RPS6KC1: variants seen among roughly 807,000 people sequenced by gnomAD.
RPS6KC1 encodes the protein ribosomal protein S6 kinase C1, also known as inactive ribosomal protein S6 kinase delta-1.
A neutral mutation model predicts 103.8 loss-of-function variants in RPS6KC1; 54 were observed. That is an observed-to-expected ratio of 0.52 (90% CI 0.42 to 0.65). The LOEUF (loss-of-function observed/expected upper bound fraction) is 0.65. Among genes scored for constraint, RPS6KC1 ranks in the 30% least tolerant of loss-of-function variants. RPS6KC1 has a pLI of 0.00. For synonymous variants in RPS6KC1, 439 were observed against 438.7 expected (o/e 1.00, Z -0.01); for missense variants, 1,151 against 1,253.8 (o/e 0.92, Z 1.24).
At chr1:213,654,675 T>C in the RPS6KC1 span, among the ~76,000 whole-genome samples, 1 of 152,230 alleles carries the variant, frequency 6.6e-6, no homozygotes, top group Non-Finnish European at 1.5e-5. Context: ...ATTTTTAATA[T>C]CTGAAAAAGT....
intron 10 of RPS6KC1, among the ~76,000 whole-genome samples, chr1:213,234,307 G>T (rs2094175654): frequency 1.3e-5 from 2 of 151,988 alleles, no homozygotes; most frequent in African/African-American, 4.8e-5. Flanking sequence ...CACCACGCCA[G>T]GCCTGAAACT....
the RPS6KC1 span, among the ~76,000 whole-genome samples, chr1:213,783,535 T>G: frequency 6.6e-6 from 1 of 152,138 alleles, no homozygotes; most frequent in Non-Finnish European, 1.5e-5. Flanking sequence ...ATATTATGAT[T>G]CAGCACCTGG....
At chr1:213,474,268 C>G in the RPS6KC1 span, among the ~76,000 whole-genome samples, 1 of 152,222 alleles carries the variant, frequency 6.6e-6, no homozygotes, top group South Asian at 2.1e-4. Flanking sequence ...GATCCCAGTT[C>G]CCAAGCAGAG....
At chr1:213,328,606 C>T in the RPS6KC1 span, among the ~76,000 whole-genome samples, 3 of 146,690 alleles carry the variant, frequency 2.0e-5, no homozygotes, top group Non-Finnish European at 4.5e-5. Context: ...TGGGTAGGAA[C>T]CACTGAGAGG....
chr1:213,538,940 G>A, the RPS6KC1 span, among the ~76,000 whole-genome samples: 2 of 152,194 alleles, frequency 1.3e-5, no homozygotes, highest in Non-Finnish European at 2.9e-5. Flanking sequence ...ACAAGTCTTT[G>A]ATGGAGCCAG....
intron 8 of RPS6KC1, among the ~76,000 whole-genome samples, chr1:213,195,369 T>G (rs2092907164): frequency 6.6e-6 from 1 of 152,316 alleles, no homozygotes; most frequent in East Asian, 1.9e-4. Flanking sequence ...TACGTGGGAA[T>G]TTTCTGTACA....
At chr1:213,498,497 C>A in the RPS6KC1 span, among the ~76,000 whole-genome samples, 1 of 152,144 alleles carries the variant, frequency 6.6e-6, no homozygotes, top group Non-Finnish European at 1.5e-5. Flanking sequence ...CTCTGTCGCC[C>A]AGGCTGGAGT....
chr1:213,184,266 A>C (rs1247732849), intron 8 of RPS6KC1, among the ~76,000 whole-genome samples: 3 of 152,140 alleles, frequency 2.0e-5, no homozygotes, highest in Admixed American at 1.3e-4. Context: ...TATTACTCTG[A>C]TATCAAGACA....
chr1:213,480,071 A>G, the RPS6KC1 span, among the ~76,000 whole-genome samples: 7,546 of 152,032 alleles, frequency 0.05, 600 homozygotes, highest in African/African-American at 0.16. Context: ...TTTTTCTGAA[A>G]TATCTTACTC....
At chr1:213,839,036 T>A in the RPS6KC1 span, among the ~76,000 whole-genome samples, 19 of 152,224 alleles carry the variant, frequency 1.2e-4, no homozygotes, top group African/African-American at 4.3e-4. Context: ...AATGCTCTCC[T>A]GATGCCATTA....
chr1:213,352,713 G>C, the RPS6KC1 span, among the ~76,000 whole-genome samples: 1 of 152,284 alleles, frequency 6.6e-6, no homozygotes, highest in South Asian at 2.1e-4. Context: ...AGTTGTGTTT[G>C]ACTATAGGGT....
the RPS6KC1 span, among the ~76,000 whole-genome samples, chr1:213,708,036 G>C: frequency 6.6e-6 from 1 of 152,084 alleles, no homozygotes; most frequent in South Asian, 2.1e-4. Flanking sequence ...CTCTTTTTTG[G>C]TTCCATATAA....
chr1:213,079,907 T>G (rs1004363661), intron 3 of RPS6KC1, among the ~76,000 whole-genome samples: 10 of 150,942 alleles, frequency 6.6e-5, no homozygotes, highest in Non-Finnish European at 1.5e-4. Flanking sequence ...TATACCATTT[T>G]TTCTTTTTTT....
At chr1:213,262,335 A>G in intron 13 of RPS6KC1, among the ~76,000 whole-genome samples, 1 of 152,218 alleles carries the variant, frequency 6.6e-6, no homozygotes, top group East Asian at 1.9e-4. Flanking sequence ...AGTGCTATAT[A>G]TGTATGTAAA....
At chr1:213,430,118 G>A in the RPS6KC1 span, among the ~76,000 whole-genome samples, 406 of 152,224 alleles carry the variant, frequency 2.7e-3, 2 homozygotes, top group African/African-American at 9.5e-3. Context: ...GCTTACTGAT[G>A]GGAAATCAAG....
rs150071530 is a variant in RPS6KC1, at chr1:213,175,783, A to G, written c.952-617A>G. Among the ~76,000 whole-genome samples, 6 of 152,286 alleles carry G rather than the reference A, an allele frequency of 3.9e-5. No individual in the cohort carries two copies. In the East Asian group the frequency reaches 1.2e-3, roughly 29 times the overall value. ...CTTTCTCTTACAAATCATCTCTTAA[A>G]CAGGCTCAGTTTTAGTAATTATTGG... On this transcript the variant is annotated intron_variant, in intron 7 of 14. Coordinates refer to ENST00000366960, the MANE Select transcript of RPS6KC1 (RefSeq NM_012424.6).
In RPS6KC1 at chr1:213,195,499, G is replaced by A. The variant is rs544264254; in HGVS notation, c.1044+19007G>A. Among the ~76,000 whole-genome samples, 10 of 152,264 alleles carry A rather than the reference G, an allele frequency of 6.6e-5. No individual in the cohort carries two copies. In the East Asian group the frequency reaches 1.2e-3, roughly 18 times the overall value. On this transcript the variant is annotated intron_variant, in intron 8 of 14. Transcript: ENST00000366960. Reference sequence around the variant, plus strand: ...TTCAATAGTTTTTGGAGAACAGGTCGTGTTTGGTTCCATGAATAAGTTCTT... The same window carrying A: ...TTCAATAGTTTTTGGAGAACAGGTCATGTTTGGTTCCATGAATAAGTTCTT...
the RPS6KC1 span, among the ~76,000 whole-genome samples, chr1:213,341,426 C>G: frequency 6.6e-6 from 1 of 152,096 alleles, no homozygotes; most frequent in Non-Finnish European, 1.5e-5. Flanking sequence ...TGTTTGGACT[C>G]CAGGAGCACT....
chr1:213,375,068 C>CACAT, the RPS6KC1 span, among the ~76,000 whole-genome samples: 1 of 151,760 alleles, frequency 6.6e-6, no homozygotes, highest in African/African-American at 2.4e-5. Context: ...CACATACACA[C>CACAT]ACATACACAC....
Sources: gnomAD v4.1 joint callset for allele counts (sites outside exome capture counted in the v4.1 genomes callset) on GRCh38, gnomAD v4.1.1 for gene constraint, MANE v1.5 for transcripts, NCBI Gene and HGNC (gene_info 2026-07-23, HGNC 2026-07-21) for gene names.